CDH23: variants seen among roughly 807,000 people sequenced by gnomAD.
CDH23 encodes cadherin-23.
CDH23 carries 189 observed loss-of-function variants against 317.1 expected under a neutral mutation model. The observed-to-expected ratio is 0.60, with a 90% CI of 0.53 to 0.67. CDH23 has a LOEUF of 0.67. CDH23 is among the 30% of genes least tolerant of loss of function. The pLI, the probability that CDH23 is intolerant of heterozygous loss-of-function variation, is 0.00. For missense variants in CDH23, 4,401 were observed against 4,592.4 expected (o/e 0.96, Z 1.20); for synonymous variants, 1,839 against 1,876.8 (o/e 0.98, Z 0.52).
At chr10:71,685,402 T>C (rs1234497697) in intron 18 of CDH23, among the ~76,000 whole-genome samples, 2 of 152,200 alleles carry the variant, frequency 1.3e-5, no homozygotes, top group Admixed American at 1.3e-4. Context: ...AGCATCTCGT[T>C]GTGCCTCAGC....
intron 1 of CDH23, among the ~76,000 whole-genome samples, chr10:71,403,409 C>T (rs1244400169): frequency 8.1e-5 from 3 of 37,010 alleles, no homozygotes; most frequent in Admixed American, 3.4e-4. Flanking sequence ...CTTTCTTTCT[C>T]TTCCTTCCTT....
intron 1 of CDH23, among the ~76,000 whole-genome samples, chr10:71,398,903 G>C (rs1847657406): frequency 6.6e-6 from 1 of 152,190 alleles, no homozygotes; most frequent in Non-Finnish European, 1.5e-5. Context: ...GGGAGGCCCA[G>C]AGCTAGCATC....
intron 14 of CDH23, among the ~76,000 whole-genome samples, chr10:71,654,137 C>G (rs7910599): frequency 0.65 from 99,000 of 152,102 alleles, 32,505 homozygotes; most frequent in South Asian, 0.77. Flanking sequence ...TTCGGAGGGA[C>G]GCAGACGATA....
chr10:71,628,769 A>G (rs1300172761), intron 11 of CDH23, among the ~76,000 whole-genome samples: 1 of 152,202 alleles, frequency 6.6e-6, no homozygotes, highest in Non-Finnish European at 1.5e-5. Flanking sequence ...AAGTGCTGAG[A>G]TTACAGGTGT....
chr10:71,666,274 T>C (rs1863889713), intron 14 of CDH23, among the ~76,000 whole-genome samples: 1 of 151,836 alleles, frequency 6.6e-6, no homozygotes, highest in Non-Finnish European at 1.5e-5. Flanking sequence ...ACGAGAGCCT[T>C]TTCCTGTGAT....
At chr10:71,772,937 G>C (rs1465192813) in intron 38 of CDH23, among the ~76,000 whole-genome samples, 1 of 152,230 alleles carries the variant, frequency 6.6e-6, no homozygotes, top group East Asian at 1.9e-4. Context: ...TGTGTCCTCT[G>C]CAACACTAGA....
Position 71,431,766 on chromosome 10 carries a change from C to T in CDH23, c.-5-8061C>T, listed in dbSNP as rs114580830. On this transcript the variant is annotated intron_variant, in intron 1 of 69. Coordinates refer to ENST00000224721, the MANE Select transcript of CDH23 (RefSeq NM_022124.6). ...TTCCCCCTGCTCTATTCTCTCATGT[C>T]CCCCCCTGCCTGCTAGGCCAGGAGG... Among the ~76,000 whole-genome samples, 3 of 152,098 alleles carry T rather than the reference C, an allele frequency of 2.0e-5. No individual in the cohort carries two copies. In the South Asian group the frequency reaches 6.2e-4, roughly 32 times the overall value.
At chr10:71,405,552 T>C (rs1374158900) in intron 1 of CDH23, among the ~76,000 whole-genome samples, 1 of 151,842 alleles carries the variant, frequency 6.6e-6, no homozygotes, top group Non-Finnish European at 1.5e-5. Context: ...ATTCTCCTGC[T>C]TCAGCCTCCC....
In CDH23 at chr10:71,793,234, G is replaced by A. The variant is rs370320029; in HGVS notation, c.6306G>A (p.Gly2102=). ...TATDEDSGLN[G]ELVYRIEAGA... is the part of the protein sequence containing the mutation. ...CAGATGAGGACAGTGGCCTCAATGGGGAGCTGGTCTACCGAATAGAAGCTG... is the reference window on the plus strand; with the variant it reads ...CAGATGAGGACAGTGGCCTCAATGGAGAGCTGGTCTACCGAATAGAAGCTG... Residue 2102 remains glycine, a synonymous_variant, in exon 48 of 70, where the codon GGG becomes GGA. Transcript: ENST00000224721. The A allele has an allele frequency of 9.3e-6, 15 of 1,613,830 alleles. No individual in the cohort carries two copies. The highest frequency in any genetic ancestry group is 6.7e-5 in the African/African-American group (5 of 74,998).
At chr10:71,513,301 C>G (rs1455556374) in intron 6 of CDH23, among the ~76,000 whole-genome samples, 3 of 152,256 alleles carry the variant, frequency 2.0e-5, no homozygotes, top group South Asian at 2.1e-4. Flanking sequence ...TGACATTGAC[C>G]AGCCCTTGCC....
At chr10:71,430,272 C>T (rs1849307823) in intron 1 of CDH23, among the ~76,000 whole-genome samples, 1 of 151,678 alleles carries the variant, frequency 6.6e-6, no homozygotes, top group Non-Finnish European at 1.5e-5. Flanking sequence ...GATCAGGAGC[C>T]TCTGCTGTCT....
intron 42 of CDH23, 83 bp from the exon 43 acceptor site, chr10:71,784,808 C>T (rs959204284): frequency 3.6e-6 from 4 of 1,103,370 alleles, no homozygotes; most frequent in Non-Finnish European, 5.5e-6. Flanking sequence ...TCCATGCCGC[C>T]CTTGGCGAAC....
chr10:71,583,955 C>CTAGAG (rs1363467377), intron 9 of CDH23, among the ~76,000 whole-genome samples: 18 of 147,986 alleles, frequency 1.2e-4, no homozygotes, highest in Admixed American at 5.5e-4. Flanking sequence ...AGTGTGCTCC[C>CTAGAG]CAGAGCAGCA....
At chr10:71,471,760 T>C (rs773352566) in intron 3 of CDH23, among the ~76,000 whole-genome samples, 1 of 151,988 alleles carries the variant, frequency 6.6e-6, no homozygotes, top group Non-Finnish European at 1.5e-5. Context: ...CTGCCCTAGG[T>C]TTCCTTTCCT....
intron 6 of CDH23, among the ~76,000 whole-genome samples, chr10:71,521,277 C>T (rs888441232): frequency 6.6e-6 from 1 of 152,174 alleles, no homozygotes; most frequent in South Asian, 2.1e-4. Context: ...GTCCTTGCCC[C>T]GGAGAGTCGT....
intron 13 of CDH23, 123 bp downstream of exon 13, chr10:71,646,103 C>T: frequency 7.6e-7 from 1 of 1,310,396 alleles, no homozygotes; most frequent in Non-Finnish European, 1.0e-6. Context: ...CCTTGTGGAT[C>T]TGACTCAGAT....
At chr10:71,407,879 C>T (rs1848178262) in intron 1 of CDH23, among the ~76,000 whole-genome samples, 1 of 152,170 alleles carries the variant, frequency 6.6e-6, no homozygotes, top group Admixed American at 6.5e-5. Context: ...ACAGTTTTCT[C>T]ATCTGTAAAA....
At chr10:71,426,411 A>G (rs1849081178) in intron 1 of CDH23, among the ~76,000 whole-genome samples, 1 of 152,170 alleles carries the variant, frequency 6.6e-6, no homozygotes. Context: ...GAAGACAGGG[A>G]AGGCAGCCTC....
rs760774199 is a variant in CDH23 at position 71,790,999 on chromosome 10, G to A, written c.6050-133G>A. The A allele has an allele frequency of 7.1e-6, 5 of 704,556 alleles. No homozygotes were observed. In the South Asian group the frequency reaches 9.0e-5, roughly 13 times the overall value. The allele number at this position is 704,556 out of a possible 1,614,324, so 43.6% of individuals were successfully genotyped here. On this transcript the variant is annotated intron_variant, in intron 46 of 69. Coordinates refer to ENST00000224721, the MANE Select transcript of CDH23 (RefSeq NM_022124.6). Reference sequence around the variant, plus strand: ...TGGGGGAGAAAGTCATTTTGTTACTGCCTCTGCTCCTCTTTCATCTCTGTC... The same window carrying A: ...TGGGGGAGAAAGTCATTTTGTTACTACCTCTGCTCCTCTTTCATCTCTGTC...
Sources: allele counts gnomAD v4.1 joint callset (sites outside exome capture counted in the v4.1 genomes callset), GRCh38; gene constraint gnomAD v4.1.1; transcripts MANE v1.5; gene names NCBI Gene and HGNC (gene_info 2026-07-23, HGNC 2026-07-21).